Variants in TNKS2 observed in about 807,000 individuals in gnomAD.
TNKS2 encodes the protein poly [ADP-ribose] polymerase tankyrase-2.
In TNKS2, 72 loss-of-function variants were observed where a neutral mutation model predicts 137.6. The observed-to-expected ratio is 0.52, with a 90% CI of 0.43 to 0.64. The LOEUF (loss-of-function observed/expected upper bound fraction) is 0.64. TNKS2 is among the 30% of genes least tolerant of loss of function. TNKS2 has a pLI of 0.00. For synonymous variants in TNKS2, 516 were observed against 512.1 expected (o/e 1.01, Z -0.10); for missense variants, 1,049 against 1,410.2 (o/e 0.74, Z 4.10).
chr10:91,810,992 A>G, intron 1 of TNKS2, among the ~76,000 whole-genome samples: 1 of 117,738 alleles, frequency 8.5e-6, no homozygotes, highest in East Asian at 2.8e-4. Flanking sequence ...CAGTGACGTG[A>G]TCTCGGCTCA....
At chr10:91,802,465 C>T (rs1844200391) in intron 1 of TNKS2, among the ~76,000 whole-genome samples, 2 of 152,140 alleles carry the variant, frequency 1.3e-5, no homozygotes, top group Admixed American at 6.5e-5. Flanking sequence ...CAATATTCAG[C>T]GATCGAACTG....
At chr10:91,844,569 C>A (rs551313906) in intron 16 of TNKS2, among the ~76,000 whole-genome samples, 1 of 152,214 alleles carries the variant, frequency 6.6e-6, no homozygotes, top group South Asian at 2.1e-4. Flanking sequence ...TGGTATGTAA[C>A]ACCCATGAAG....
chr10:91,858,297 C>T (rs1842764134), intron 24 of TNKS2, among the ~76,000 whole-genome samples: 1 of 152,136 alleles, frequency 6.6e-6, no homozygotes, highest in East Asian at 1.9e-4. Context: ...ACATGTTGCA[C>T]TCCTTATTCC....
chr10:91,810,922 T>C (rs1468487403), intron 1 of TNKS2, among the ~76,000 whole-genome samples: 31 of 99,164 alleles, frequency 3.1e-4, no homozygotes, highest in African/African-American at 1.2e-3. Context: ...TTTCTTTTCT[T>C]TTTTTTTTTT....
At position 91,863,773 on chromosome 10, in the gene TNKS2, T is replaced by C. The variant is rs1371919324; in HGVS notation, c.*774T>C. On this transcript the variant is annotated 3_prime_UTR_variant, in exon 27 of 27. Transcript: ENST00000371627. ...TACTAAAGAAGCTTCTTTACTGGCC[T>C]CAATTTCTAGCTTTCATGTTGGAAA... 2 of 152,196 alleles carry C rather than the reference T, an allele frequency of 1.3e-5. No homozygotes were observed. Among genetic ancestry groups the C allele is most frequent in the Non-Finnish European group, 2.9e-5 (2 of 68,022 alleles). 9.4% of individuals were successfully genotyped at this position (152,196 alleles called of 1,614,324 possible).
In TNKS2 at chr10:91,844,169, T is replaced by G. The variant is rs575327885; in HGVS notation, c.2060-750T>G. On this transcript the variant is annotated intron_variant, in intron 16 of 26. Coordinates refer to ENST00000371627, the MANE Select transcript of TNKS2 (RefSeq NM_025235.4). Reference sequence around the variant, plus strand: ...GTTGTCTTTGTAAGTCACAAATAATTTGTATGCATAAAATATTTCTGTCCA... The same window carrying G: ...GTTGTCTTTGTAAGTCACAAATAATGTGTATGCATAAAATATTTCTGTCCA... Among the ~76,000 whole-genome samples the G allele has an allele frequency of 3.3e-5, 5 of 152,306 alleles. No individual in the cohort carries two copies. In the South Asian group the frequency reaches 1.0e-3, roughly 32 times the overall value.
In TNKS2 at chr10:91,811,708, AT is replaced by A. The variant is rs201209097; in HGVS notation, c.200-1274del. 4.2e-3 allele frequency among the ~76,000 whole-genome samples: 639 copies of A among 152,262 alleles called. 4 individuals are homozygous for A. The highest frequency in any genetic ancestry group is 0.015 in the African/African-American group (606 of 41,560). ...AGAAAGACTGTACCATTACTTTCTT[AT>A]CTGTTCTCATTGCTGGTCATCTTGG... is the stretch of plus-strand genomic sequence containing the variant. On this transcript the variant is annotated intron_variant, in intron 1 of 26. Transcript: ENST00000371627.
Position 91,831,715 on chromosome 10 carries a change from A to G in TNKS2, c.1275+534A>G, listed in dbSNP as rs145276777. ...GCACAAAGCATTTTATTCACCAAAT[A>G]TGCTTTCATCAAGGCTAGAAATCAT... On this transcript the variant is annotated intron_variant, in intron 11 of 26. Transcript: ENST00000371627. 4.7e-4 allele frequency among the ~76,000 whole-genome samples: 72 copies of G among 152,342 alleles called. No homozygotes were observed. In the East Asian group the frequency reaches 0.013, roughly 28 times the overall value.
At chr10:91,841,057 A>G (rs1314401442) in intron 14 of TNKS2, among the ~76,000 whole-genome samples, 1 of 152,114 alleles carries the variant, frequency 6.6e-6, no homozygotes, top group Non-Finnish European at 1.5e-5. Context: ...TAGACGTTGC[A>G]TATATGGATG....
At chr10:91,816,999 C>T in intron 2 of TNKS2, 135 bp from the exon 3 acceptor site, 8 of 554,866 alleles carry the variant, frequency 1.4e-5, no homozygotes, top group South Asian at 5.5e-5. Flanking sequence ...TGTAACATTC[C>T]CATTCTGACA....
intron 9 of TNKS2, among the ~76,000 whole-genome samples, chr10:91,830,561 AG>A (rs771001856): frequency 1.3e-5 from 2 of 152,200 alleles, no homozygotes; most frequent in Non-Finnish European, 2.9e-5. Context: ...AACCTTTGCA[AG>A]GGTGTTTTCT....
intron 24 of TNKS2, among the ~76,000 whole-genome samples, chr10:91,858,349 C>G (rs1456831522): frequency 6.6e-6 from 1 of 152,070 alleles, no homozygotes; most frequent in African/African-American, 2.4e-5. Flanking sequence ...TGACACAGAG[C>G]ATATTTATTT....
chr10:91,817,218 C>T lies in TNKS2; in HGVS notation c.509C>T (p.Ala170Val), dbSNP rs750919609. The change falls in exon 3 of 27, where the codon GCA becomes GTA. Residue 170 changes from alanine to valine, a missense_variant. By Grantham distance (64) the Ala-to-Val change is moderately conservative (BLOSUM62 0). Coordinates refer to ENST00000371627, the MANE Select transcript of TNKS2 (RefSeq NM_025235.4). ...ALDLADPSAKAVLTGEYKKDE... is the reference protein window; with the variant it reads ...ALDLADPSAKVVLTGEYKKDE... ...GATTTAGCAGATCCATCTGCCAAAG[C>T]AGTGCTTACTGGTAAGTCTGTATAC... 2 of 1,612,460 alleles carry T rather than the reference C, an allele frequency of 1.2e-6. No individual in the cohort carries two copies. Among genetic ancestry groups the T allele is most frequent in the Non-Finnish European group, 8.5e-7 (1 of 1,179,128 alleles).
chr10:91,809,848 T>A (rs1320056412), intron 1 of TNKS2, among the ~76,000 whole-genome samples: 1 of 152,084 alleles, frequency 6.6e-6, no homozygotes, highest in African/African-American at 2.4e-5. Context: ...CCTAAACACA[T>A]CATTCTGTAA....
At chr10:91,859,270 G>T (rs1033416405) in intron 24 of TNKS2, among the ~76,000 whole-genome samples, 192 bp from the exon 25 acceptor site, 1 of 152,188 alleles carries the variant, frequency 6.6e-6, no homozygotes, top group African/African-American at 2.4e-5. Flanking sequence ...CACTCTGTTA[G>T]AAACATTAGT....
intron 21 of TNKS2, among the ~76,000 whole-genome samples, chr10:91,852,557 C>T (rs965456024): frequency 6.6e-6 from 1 of 152,154 alleles, no homozygotes; most frequent in Non-Finnish European, 1.5e-5. Context: ...GAGACTCCGT[C>T]TCAAAAAATA....
At chr10:91,858,308 A>G in intron 24 of TNKS2, among the ~76,000 whole-genome samples, 1 of 152,176 alleles carries the variant, frequency 6.6e-6, no homozygotes. Context: ...TCCTTATTCC[A>G]AAACCCTAAA....
In TNKS2 at chr10:91,840,704, A is replaced by G. The variant is rs1352147178; in HGVS notation, c.1671A>G (p.Lys557=). 6.2e-7 allele frequency: 1 copy of G among 1,612,294 alleles called. No individual in the cohort carries two copies. Among genetic ancestry groups the G allele is most frequent in the Non-Finnish European group, 8.5e-7 (1 of 1,179,252 alleles). ...GAGCTGATGTGCATGCTAAAGATAAAGGGTAAATGCCAATGATTGTTATGG... is the reference window on the plus strand; with the variant it reads ...GAGCTGATGTGCATGCTAAAGATAAGGGGTAAATGCCAATGATTGTTATGG... ...QHGADVHAKD[K]GGLVPLHNAC... The change falls in exon 14 of 27, where the codon AAA becomes AAG. Residue 557 remains lysine, a splice_region_variant and synonymous_variant. Coordinates refer to ENST00000371627, the MANE Select transcript of TNKS2 (RefSeq NM_025235.4).
intron 1 of TNKS2, chr10:91,807,554 G>C: frequency 1.0e-6 from 1 of 955,712 alleles, no homozygotes; most frequent in Non-Finnish European, 1.7e-6. Context: ...TTCTTTCTTA[G>C]CTTTACTTCT....
Sources: gnomAD v4.1 joint callset for allele counts (sites outside exome capture counted in the v4.1 genomes callset) on GRCh38, gnomAD v4.1.1 for gene constraint, MANE v1.5 for transcripts, NCBI Gene and HGNC (gene_info 2026-07-23, HGNC 2026-07-21) for gene names.